The following ITPR2 variants were observed in gnomAD, a reference collection of about 807,000 sequenced individuals.
ITPR2 encodes the protein inositol 1,4,5-trisphosphate receptor type 2.
ITPR2 carries 207 observed loss-of-function variants against 317.1 expected under a neutral mutation model. The ratio of observed to expected loss-of-function variants is 0.65; its 90% CI spans 0.58 to 0.73. The LOEUF (loss-of-function observed/expected upper bound fraction) is 0.73. Ranked by LOEUF, ITPR2 falls within the 30% of genes least tolerant of loss-of-function variation. The pLI is 0.00. For missense variants in ITPR2, 2,613 were observed against 3,284.0 expected (o/e 0.80, Z 4.99); for synonymous variants, 1,156 against 1,149.1 (o/e 1.01, Z -0.12).
chr12:26,821,186 T>A (rs866635259), intron 1 of ITPR2, among the ~76,000 whole-genome samples: 3 of 152,240 alleles, frequency 2.0e-5, no homozygotes, highest in Non-Finnish European at 4.4e-5. Flanking sequence ...ATCTGACTAT[T>A]AAGATGCCTA....
At chr12:26,356,979 C>A (rs1938660621) in intron 55 of ITPR2, among the ~76,000 whole-genome samples, 1 of 152,168 alleles carries the variant, frequency 6.6e-6, no homozygotes, top group Admixed American at 6.6e-5. Context: ...AAACTTGTTT[C>A]TAATACATGA....
At position 26,552,976 on chromosome 12, in the gene ITPR2, C is replaced by T. The variant is rs898430286; in HGVS notation, c.4965-2621G>A. ...ATGTTTGGTTGAGTTAGGTCGGTGA[C>T]TTTCAAATATTTTTCTATGATCAAA... is the stretch of plus-strand genomic sequence containing the variant. On this transcript the variant is annotated intron_variant, in intron 36 of 56. Transcript: ENST00000381340. 2.6e-5 allele frequency among the ~76,000 whole-genome samples: 4 copies of T among 152,282 alleles called. 1 individual carries two copies. Among genetic ancestry groups the T allele is most frequent in the African/African-American group, 9.6e-5 (4 of 41,560 alleles).
At chr12:26,497,654 C>G (rs913866286) in intron 37 of ITPR2, among the ~76,000 whole-genome samples, 1 of 152,110 alleles carries the variant, frequency 6.6e-6, no homozygotes, top group Non-Finnish European at 1.5e-5. Context: ...GACAGACCTG[C>G]CTTGTGCACA....
chr12:26,413,832 G>T (rs1254606459), intron 51 of ITPR2, among the ~76,000 whole-genome samples: 1 of 152,108 alleles, frequency 6.6e-6, no homozygotes, highest in Non-Finnish European at 1.5e-5. Flanking sequence ...AAATATTTAT[G>T]TTCATAACAC....
intron 21 of ITPR2, among the ~76,000 whole-genome samples, chr12:26,635,015 TA>T (rs1297816198): frequency 6.6e-6 from 1 of 151,882 alleles, no homozygotes; most frequent in African/African-American, 2.4e-5. Flanking sequence ...AAAAAAAATC[TA>T]AAAGACAGGT....
intron 2 of ITPR2, among the ~76,000 whole-genome samples, chr12:26,743,840 G>A (rs191256783): frequency 6.6e-6 from 1 of 152,282 alleles, no homozygotes; most frequent in Non-Finnish European, 1.5e-5. Context: ...GAGGTGAGCC[G>A]AGATTGTGCC....
intron 32 of ITPR2, among the ~76,000 whole-genome samples, chr12:26,582,273 T>TA (rs1275382591): frequency 3.2e-4 from 48 of 152,154 alleles, no homozygotes; most frequent in African/African-American, 9.9e-4. Flanking sequence ...TACATATGAA[T>TA]ATTTCTTTAT....
chr12:26,594,531 C>T (rs1364154244), intron 32 of ITPR2, among the ~76,000 whole-genome samples: 1 of 152,008 alleles, frequency 6.6e-6, no homozygotes, highest in Non-Finnish European at 1.5e-5. Context: ...CCAAATACAT[C>T]TATATAAGGC....
chr12:26,358,982 C>T lies in ITPR2; in HGVS notation c.7858-18654G>A, dbSNP rs1318965991. Among the ~76,000 whole-genome samples, 3 of 152,368 alleles carry T rather than the reference C, an allele frequency of 2.0e-5. No individual in the cohort carries two copies. In the South Asian group the frequency reaches 6.2e-4, roughly 32 times the overall value. On this transcript the variant is annotated intron_variant, in intron 55 of 56. Coordinates refer to ENST00000381340, the MANE Select transcript of ITPR2 (RefSeq NM_002223.4). ...GAGAGGCTACCATTGACAACCCTAC[C>T]CAGCACACTTTCATCCCTTTCTGCT... is the stretch of plus-strand genomic sequence containing the variant.
intron 37 of ITPR2, among the ~76,000 whole-genome samples, chr12:26,540,396 A>G (rs183298547): frequency 6.6e-5 from 10 of 152,322 alleles, no homozygotes; most frequent in African/African-American, 2.4e-4. Context: ...TGATAACTTA[A>G]TAATACATTG....
intron 21 of ITPR2, among the ~76,000 whole-genome samples, chr12:26,651,413 T>C (rs1565666332): frequency 6.6e-6 from 1 of 152,234 alleles, no homozygotes; most frequent in Non-Finnish European, 1.5e-5. Context: ...AAAAAATAAA[T>C]GAATAAATAA....
chr12:26,546,410 T>C (rs1486099904), intron 37 of ITPR2, among the ~76,000 whole-genome samples: 2 of 152,180 alleles, frequency 1.3e-5, no homozygotes, highest in African/African-American at 4.8e-5. Context: ...TGATCAAATG[T>C]GTTAGCTCCC....
At chr12:26,529,743 T>A (rs1466859423) in intron 37 of ITPR2, among the ~76,000 whole-genome samples, 1 of 152,304 alleles carries the variant, frequency 6.6e-6, no homozygotes, top group Non-Finnish European at 1.5e-5. Context: ...AATCTCCATA[T>A]AAAGCACCTC....
chr12:26,561,792 C>G lies in ITPR2; in HGVS notation c.4791G>C (p.Trp1597Cys), dbSNP rs769271813. The G allele has an allele frequency of 5.1e-6, 8 of 1,581,612 alleles. No individual in the cohort carries two copies. In the Admixed American group the frequency reaches 1.2e-4, roughly 23 times the overall value. Residue 1597 changes from tryptophan to cysteine, a missense_variant, in exon 35 of 57, where the codon TGG becomes TGC. This residue lies in a region of ITPR2 where 926 missense variants were observed against 1,072.8 expected (regional missense o/e 0.86). Transcript: ENST00000381340. ...ACTTTTCAATAATATTTCTGTAATC[C>G]CAAGCAGGCCCTCCAAGAGCTTCCT... ...RFKEALGGPA[W>C]DYRNIIEKLQ...
chr12:26,714,679 A>C (rs545682444), intron 8 of ITPR2, among the ~76,000 whole-genome samples: 145 of 152,234 alleles, frequency 9.5e-4, no homozygotes, highest in Non-Finnish European at 1.6e-3. Flanking sequence ...ATGTTTAGTA[A>C]ATCTCTTGTT....
intron 15 of ITPR2, among the ~76,000 whole-genome samples, chr12:26,662,148 CA>C (rs1947518850): frequency 6.6e-6 from 1 of 152,180 alleles, no homozygotes; most frequent in Non-Finnish European, 1.5e-5. Flanking sequence ...ACTCTTCAAA[CA>C]GAATTGTGAA....
At chr12:26,409,600 T>C (rs929782223) in intron 52 of ITPR2, among the ~76,000 whole-genome samples, 3 of 150,804 alleles carry the variant, frequency 2.0e-5, no homozygotes, top group African/African-American at 7.5e-5. Context: ...CATGTTTTTC[T>C]TGAAAAAAAA....
At chr12:26,358,949 C>T (rs1472182494) in intron 55 of ITPR2, among the ~76,000 whole-genome samples, 1 of 152,254 alleles carries the variant, frequency 6.6e-6, no homozygotes, top group Admixed American at 6.5e-5. Context: ...CCCCAGTGTT[C>T]CTCCTCAGAG....
At chr12:26,368,183 G>A (rs982616001) in intron 55 of ITPR2, among the ~76,000 whole-genome samples, 1 of 152,118 alleles carries the variant, frequency 6.6e-6, no homozygotes, top group Non-Finnish European at 1.5e-5. Context: ...CCAGACTTGT[G>A]GTTTTAATTA....
Sources: allele counts gnomAD v4.1 joint callset (sites outside exome capture counted in the v4.1 genomes callset), GRCh38; gene constraint gnomAD v4.1.1; regional missense constraint gnomAD v4.1.1; transcripts MANE v1.5; gene names NCBI Gene and HGNC (gene_info 2026-07-23, HGNC 2026-07-21).